The following PAEP variants were observed in gnomAD, a reference collection of about 807,000 sequenced individuals.
PAEP encodes glycodelin.
In PAEP, 28 loss-of-function variants were observed where a neutral mutation model predicts 23.0. The ratio of observed to expected loss-of-function variants is 1.22; its 90% CI spans 0.90 to 1.67. The LOEUF (loss-of-function observed/expected upper bound fraction) is 1.67, where lower values mean the gene tolerates loss of function less well. Among genes scored for constraint, PAEP ranks in the 40% most tolerant of loss-of-function variants. The probability of loss-of-function intolerance (pLI) is 0.00; values close to 1 mark genes in which losing one functional copy is unlikely to be tolerated. For synonymous variants in PAEP, 103 were observed against 92.4 expected (o/e 1.12, Z -0.66); for missense variants, 209 against 226.4 (o/e 0.92, Z 0.49).
intron 5 of PAEP, 134 bp downstream of exon 5, chr9:135,565,648 T>C (rs1171475958): frequency 1.3e-5 from 17 of 1,343,368 alleles, no homozygotes; most frequent in Non-Finnish European, 1.1e-6. Context: ...CCTGGCCTTC[T>C]GGGGTGCAGA....
chr9:135,566,034 A>G lies in PAEP; in HGVS notation c.*233A>G, dbSNP rs568679649. ...TGTATTAGTCACGGGCTTGTGCCCTATAGTCAGACCTCATGCTTTCTTTTG... is the reference window on the plus strand; with the variant it reads ...TGTATTAGTCACGGGCTTGTGCCCTGTAGTCAGACCTCATGCTTTCTTTTG... On this transcript the variant is annotated intron_variant, in intron 6 of 6. Transcript: ENST00000479141. Among the ~76,000 whole-genome samples the G allele has an allele frequency of 9.9e-5, 15 of 152,208 alleles. No individual in the cohort carries two copies. The South Asian group carries it at 2.3e-3, about 23-fold the overall frequency.
In PAEP at chr9:135,561,883, C is replaced by T; in HGVS notation, c.82C>T (p.Leu28=). 6.4e-7 allele frequency: 1 copy of T among 1,564,382 alleles called. No homozygotes were observed. The highest frequency in any genetic ancestry group is 8.7e-7 in the Non-Finnish European group (1 of 1,153,712). ...GGACATCCCCCAGACCAAGCAGGAC[C>T]TGGAGCTCCCAAAGGTTTGAGGCTG... ...AMDIPQTKQD[L]ELPKLAGTWH... is the part of the protein sequence containing the mutation. The change falls in exon 1 of 7, where the codon CTG becomes TTG. Residue 28 remains leucine (L), a synonymous_variant. Transcript: ENST00000479141.
chr9:135,565,870 C>T, intron 6 of PAEP, 69 bp downstream of exon 6: 5 of 1,530,492 alleles, frequency 3.3e-6, no homozygotes, highest in Non-Finnish European at 2.7e-6. Context: ...GGCTGCCTCT[C>T]TGGGCCCCTG....
At chr9:135,565,632 T>C (rs763280519) in intron 5 of PAEP, 118 bp downstream of exon 5, 1 of 1,346,704 alleles carries the variant, frequency 7.4e-7, no homozygotes, top group South Asian at 1.2e-5. Flanking sequence ...CCCTCCCCTG[T>C]TCTCCCCTGG....
intron 5 of PAEP, 104 bp downstream of exon 5, chr9:135,565,618 T>G: frequency 7.3e-7 from 1 of 1,365,610 alleles, no homozygotes; most frequent in Non-Finnish European, 1.0e-6. Flanking sequence ...CACTCCTTTT[T>G]GGCCCCTCCC....
At chr9:135,565,732 C>A in intron 5 of PAEP, 53 bp from the exon 6 acceptor site, 1 of 1,608,360 alleles carries the variant, frequency 6.2e-7, no homozygotes, top group Non-Finnish European at 8.5e-7. Context: ...CTGCTGTGTC[C>A]CCAGCTGTCT....
At chr9:135,562,543 A>C (rs1294916602) in intron 2 of PAEP, 110 bp downstream of exon 2, 1 of 1,355,910 alleles carries the variant, frequency 7.4e-7, no homozygotes, top group Non-Finnish European at 1.0e-6. Context: ...GCATTTTCTG[A>C]CAGCCAGGGG....
intron 1 of PAEP, 108 bp from the exon 2 acceptor site, chr9:135,562,180 GACAACC>G: frequency 8.2e-7 from 1 of 1,213,950 alleles, no homozygotes; most frequent in Non-Finnish European, 1.1e-6. Flanking sequence ...GTAGATAGCA[GACAACC>G]ATCCAATGCT....
chr9:135,564,231 C>G lies in PAEP; in HGVS notation c.311-13C>G. 1 of 1,552,030 alleles carries G rather than the reference C, an allele frequency of 6.4e-7. No individual in the cohort carries two copies. The highest frequency in any genetic ancestry group is 8.7e-7 in the Non-Finnish European group (1 of 1,147,066). Reference sequence around the variant, plus strand: ...GCTTCATCTTCCTTTTGGTTCTTCTCTTCTTTCCCCAGATACGGTGGCGAA... The same window carrying G: ...GCTTCATCTTCCTTTTGGTTCTTCTGTTCTTTCCCCAGATACGGTGGCGAA... On this transcript the variant is annotated splice_polypyrimidine_tract_variant and intron_variant, in intron 3 of 6. Transcript: ENST00000479141.
At chr9:135,562,741 TG>T in intron 2 of PAEP, 78 bp from the exon 3 acceptor site, 4 of 1,213,044 alleles carry the variant, frequency 3.3e-6, no homozygotes, top group Non-Finnish European at 4.8e-6. Flanking sequence ...GAAGTTCCCG[TG>T]GTGACCTGAT....
rs1442267407 is a variant in PAEP, at chr9:135,565,204, G to A, written c.422-206G>A. ...GCGGAGCAGAGGGGGCCGGGCCAAGGAGTGGGAGCTGGGGTCAGGGAACCT... is the reference window on the plus strand; with the variant it reads ...GCGGAGCAGAGGGGGCCGGGCCAAGAAGTGGGAGCTGGGGTCAGGGAACCT... On this transcript the variant is annotated intron_variant, in intron 4 of 6. Transcript: ENST00000479141. The A allele has an allele frequency of 8.5e-6, 5 of 590,752 alleles. No homozygotes were observed. The East Asian group carries it at 8.6e-5, about 10-fold the overall frequency. The allele number at this position is 590,752 out of a possible 1,614,324, so 36.6% of individuals were successfully genotyped here. A position where few individuals can be genotyped will look rare whatever the true frequency, so the allele number is the denominator to read the frequency against.
chr9:135,565,721 G>A, intron 5 of PAEP, 64 bp from the exon 6 acceptor site: 1 of 1,585,930 alleles, frequency 6.3e-7, no homozygotes, highest in Admixed American at 1.7e-5. Context: ...TAGCCCTGGG[G>A]CTGCTGTGTC....
rs1047730549 is a variant in PAEP, at chr9:135,565,397, G to A, written c.422-13G>A. 5 of 1,611,276 alleles carry A rather than the reference G, an allele frequency of 3.1e-6. No homozygotes were observed. The highest frequency in any genetic ancestry group is 4.2e-6 in the Non-Finnish European group (5 of 1,177,354). Reference sequence around the variant, plus strand: ...GCCCCAGGGGCCCAGGACTGACCCAGCCTCTTCCACAGCCAGAGTCCTGGT... The same window carrying A: ...GCCCCAGGGGCCCAGGACTGACCCAACCTCTTCCACAGCCAGAGTCCTGGT... On this transcript the variant is annotated splice_polypyrimidine_tract_variant and intron_variant, in intron 4 of 6. Coordinates refer to ENST00000479141, the MANE Select transcript of PAEP (RefSeq NM_002571.4).
chr9:135,566,168 C>CTT, intron 6 of PAEP: 41 of 195,022 alleles, frequency 2.1e-4, no homozygotes, highest in South Asian at 5.7e-4. Flanking sequence ...GTCCCACGTT[C>CTT]TTTTTTTTTT....
At chr9:135,563,818 T>C (rs141522642) in intron 3 of PAEP, among the ~76,000 whole-genome samples, 286 of 152,322 alleles carry the variant, frequency 1.9e-3, no homozygotes, top group Middle Eastern at 6.8e-3. Context: ...CTTCTCATGC[T>C]TGGGACTTGC....
chr9:135,562,188 T>A, intron 1 of PAEP, 106 bp from the exon 2 acceptor site: 1 of 1,287,628 alleles, frequency 7.8e-7, no homozygotes, highest in Non-Finnish European at 1.1e-6. Flanking sequence ...CAGACAACCA[T>A]CCAATGCTCA....
rs1284353457 is a variant in PAEP at position 135,563,625 on chromosome 9, C to CA, written c.311-618dup. Among the ~76,000 whole-genome samples the CA allele has an allele frequency of 7.9e-5, 12 of 151,946 alleles. No individual in the cohort carries two copies. In the East Asian group the frequency reaches 1.9e-3, roughly 25 times the overall value. Reference sequence around the variant, plus strand: ...CAGCTCTGGTCTTAGGCTGAGCTCCCAGGCCTCTCTGGGGGAAGAGAGAGG... The same window carrying CA: ...CAGCTCTGGTCTTAGGCTGAGCTCCCAAGGCCTCTCTGGGGGAAGAGAGAGG... On this transcript the variant is annotated intron_variant, in intron 3 of 6. Transcript: ENST00000479141.
chr9:135,563,323 T>TAGGTGAACAGGTGGGC lies in PAEP; in HGVS notation c.310+437_310+452dup, dbSNP rs1424228449. On this transcript the variant is annotated intron_variant, in intron 3 of 6. Coordinates refer to ENST00000479141, the MANE Select transcript of PAEP (RefSeq NM_002571.4). ...GCAGGTGGCTAGGTGAGTAAGTGGTTAGGTGAACAGGTGGGCAGGTGAGCA... is the reference window on the plus strand; with the variant it reads ...GCAGGTGGCTAGGTGAGTAAGTGGTTAGGTGAACAGGTGGGCAGGTGAACAGGTGGGCAGGTGAGCA... 1.5e-3 allele frequency among the ~76,000 whole-genome samples: 183 copies of TAGGTGAACAGGTGGGC among 119,640 alleles called. 3 individuals carry two copies. The East Asian group carries it at 0.044, about 29-fold the overall frequency. The allele number at this position is 119,640 out of a possible 152,430, so 78.5% of individuals were successfully genotyped here.
intron 3 of PAEP, 78 bp downstream of exon 3, chr9:135,562,971 G>C (rs747740910): frequency 1.8e-6 from 2 of 1,123,754 alleles, no homozygotes. Context: ...CTCTGCTGGG[G>C]CATGAGGGAG....
Sources: allele counts gnomAD v4.1 joint callset (sites outside exome capture counted in the v4.1 genomes callset), GRCh38; gene constraint gnomAD v4.1.1; transcripts MANE v1.5; gene names NCBI Gene and HGNC (gene_info 2026-07-23, HGNC 2026-07-21).